Variants in SEC23A observed in about 807,000 individuals in gnomAD.
The protein encoded by SEC23A is protein transport protein Sec23A.
SEC23A carries 56 observed loss-of-function variants against 103.7 expected under a neutral mutation model. The observed-to-expected ratio is 0.54, with a 90% CI of 0.44 to 0.67. The LOEUF (loss-of-function observed/expected upper bound fraction) is 0.67, where lower values mean the gene tolerates loss of function less well. Ranked by LOEUF, SEC23A falls within the 30% of genes least tolerant of loss-of-function variation. The pLI is 0.00. For missense variants in SEC23A, 784 were observed against 936.4 expected (o/e 0.84, Z 2.12); for synonymous variants, 281 against 293.0 (o/e 0.96, Z 0.42).
At chr14:39,065,040 C>A in intron 10 of SEC23A, 47 bp from the exon 11 acceptor site, 1 of 1,216,664 alleles carries the variant, frequency 8.2e-7, no homozygotes, top group South Asian at 1.2e-5. Flanking sequence ...AAGATACGTT[C>A]AAATGTTCAA....
chr14:39,056,966 G>A (rs972753142), intron 13 of SEC23A, among the ~76,000 whole-genome samples: 3 of 151,996 alleles, frequency 2.0e-5, no homozygotes, highest in African/African-American at 7.3e-5. Flanking sequence ...AGGAGGCTAA[G>A]GTGGGAGAAT....
At chr14:39,097,249 C>A (rs1887919725) in intron 1 of SEC23A, among the ~76,000 whole-genome samples, 1 of 152,138 alleles carries the variant, frequency 6.6e-6, no homozygotes, top group Non-Finnish European at 1.5e-5. Flanking sequence ...CCTACGTAGG[C>A]AACAGCTCTA....
rs748814429 is a variant in SEC23A, at chr14:39,042,967, T to TTTTA, written c.1900-99_1900-96dup. 1,157 of 810,686 alleles carry TTTTA rather than the reference T, an allele frequency of 1.4e-3. 18 individuals carry two copies. The African/African-American group carries it at 0.016, about 11-fold the overall frequency. The allele number at this position is 810,686 out of a possible 1,614,324, so 50.2% of individuals were successfully genotyped here. A position where few individuals can be genotyped will look rare whatever the true frequency, so the allele number is the denominator to read the frequency against. ...GTTTCCAGGTTATTTTCCAAGTTTCTTTTATTTATTTATTTATTTATTTTT... is the reference window on the plus strand; with the variant it reads ...GTTTCCAGGTTATTTTCCAAGTTTCTTTTATTTATTTATTTATTTATTTATTTTT... On this transcript the variant is annotated intron_variant, in intron 16 of 19. Coordinates refer to ENST00000307712, the MANE Select transcript of SEC23A (RefSeq NM_006364.4).
intron 14 of SEC23A, among the ~76,000 whole-genome samples, chr14:39,048,940 T>G (rs1291235018): frequency 2.6e-5 from 4 of 152,128 alleles, no homozygotes; most frequent in African/African-American, 9.7e-5. Flanking sequence ...ATTGTCCCAA[T>G]GTAATTAATA....
intron 5 of SEC23A, among the ~76,000 whole-genome samples, chr14:39,090,457 T>C (rs548576910): frequency 6.6e-6 from 1 of 152,252 alleles, no homozygotes; most frequent in South Asian, 2.1e-4. Context: ...ATGCTACACA[T>C]AACTCCTTTG....
chr14:39,066,517 G>A (rs1886675016), intron 10 of SEC23A, among the ~76,000 whole-genome samples: 1 of 150,296 alleles, frequency 6.7e-6, no homozygotes, highest in African/African-American at 2.5e-5. Context: ...TCTTAAGTTA[G>A]ATAACAATTC....
In SEC23A at chr14:39,080,561, G is replaced by A. The variant is rs551366791; in HGVS notation, c.829-4468C>T. ...GCTGGGATTACAGGCGTGTGCCACC[G>A]CCCCCGGCTAATTTTTGTATTTTTA... On this transcript the variant is annotated intron_variant, in intron 7 of 19. Coordinates refer to ENST00000307712, the MANE Select transcript of SEC23A (RefSeq NM_006364.4). Among the ~76,000 whole-genome samples the A allele has an allele frequency of 9.2e-5, 14 of 151,952 alleles. No individual in the cohort carries two copies. The South Asian group carries it at 1.5e-3, about 16-fold the overall frequency.
At chr14:39,073,329 G>A (rs1402998073) in intron 9 of SEC23A, among the ~76,000 whole-genome samples, 1 of 152,066 alleles carries the variant, frequency 6.6e-6, no homozygotes, top group Non-Finnish European at 1.5e-5. Flanking sequence ...CTCACTCTGT[G>A]GCCCAGGCTG....
intron 19 of SEC23A, among the ~76,000 whole-genome samples, chr14:39,037,374 C>G (rs1343263326): frequency 2.0e-5 from 3 of 152,054 alleles, no homozygotes; most frequent in South Asian, 4.1e-4. Flanking sequence ...CTTAAAACCC[C>G]AAAATACCCT....
intron 19 of SEC23A, among the ~76,000 whole-genome samples, chr14:39,034,176 T>G (rs1885390450): frequency 6.6e-6 from 1 of 152,212 alleles, no homozygotes; most frequent in South Asian, 2.1e-4. Context: ...GGCAATCCCT[T>G]ACTGGGATTA....
chr14:39,058,512 T>A (rs1257434189), intron 13 of SEC23A, among the ~76,000 whole-genome samples: 1 of 152,104 alleles, frequency 6.6e-6, no homozygotes, highest in South Asian at 2.1e-4. Flanking sequence ...TTTCACCTTG[T>A]TAGCCAGGAT....
intron 14 of SEC23A, among the ~76,000 whole-genome samples, chr14:39,050,228 A>G (rs1379277429): frequency 6.6e-6 from 1 of 152,164 alleles, no homozygotes; most frequent in African/African-American, 2.4e-5. Context: ...AGTTATTCAG[A>G]AGTAATAAAA....
intron 10 of SEC23A, 35 bp downstream of exon 10, chr14:39,067,138 A>G (rs1277398429): frequency 1.2e-6 from 2 of 1,612,614 alleles, no homozygotes; most frequent in Non-Finnish European, 1.7e-6. Context: ...TTGTCTTTTG[A>G]TAACATATCG....
chr14:39,072,637 C>A (rs113607114), intron 9 of SEC23A, among the ~76,000 whole-genome samples: 12,434 of 151,950 alleles, frequency 0.082, 539 homozygotes, highest in African/African-American at 0.12. Flanking sequence ...AGTGAGACCT[C>A]GTCTCCACAA....
chr14:39,055,924 G>C (rs907364624), intron 13 of SEC23A, among the ~76,000 whole-genome samples: 77 of 152,376 alleles, frequency 5.1e-4, no homozygotes, highest in African/African-American at 1.6e-3. Flanking sequence ...CATGAGACAT[G>C]CCTGAGCGGG....
chr14:39,050,737 G>A (rs1340126133), intron 14 of SEC23A, among the ~76,000 whole-genome samples: 6 of 152,136 alleles, frequency 3.9e-5, no homozygotes, highest in African/African-American at 1.4e-4. Context: ...AGGATCACTT[G>A]AGCCCAGGAG....
chr14:39,037,905 T>C (rs1160002177), intron 19 of SEC23A, among the ~76,000 whole-genome samples: 1 of 152,184 alleles, frequency 6.6e-6, no homozygotes, highest in African/African-American at 2.4e-5. Context: ...CTTTACTCCC[T>C]CTCACTTGGA....
chr14:39,045,912 CA>C (rs1555326427), intron 15 of SEC23A, among the ~76,000 whole-genome samples: 1 of 14,894 alleles, frequency 6.7e-5, no homozygotes, highest in African/African-American at 2.9e-4. Context: ...GCTACATCCC[CA>C]CCCACCCACA....
chr14:39,052,706 C>T (rs760995739), intron 14 of SEC23A, among the ~76,000 whole-genome samples: 1 of 152,034 alleles, frequency 6.6e-6, no homozygotes, highest in African/African-American at 2.4e-5. Flanking sequence ...GACAAAGTCA[C>T]AATTAGTGAA....
Sources: gnomAD v4.1 joint callset for allele counts (sites outside exome capture counted in the v4.1 genomes callset) on GRCh38, gnomAD v4.1.1 for gene constraint, MANE v1.5 for transcripts, NCBI Gene and HGNC (gene_info 2026-07-23, HGNC 2026-07-21) for gene names.